ARK2C: variants seen among roughly 807,000 people sequenced by gnomAD.
ARK2C encodes the protein E3 ubiquitin-protein ligase ARK2C.
chr18:46,419,286 T>C, the ARK2C span, among the ~76,000 whole-genome samples: 1 of 152,120 alleles, frequency 6.6e-6, no homozygotes, highest in South Asian at 2.1e-4. Context: ...AAGGAAATCA[T>C]TGAGCCATCC....
the ARK2C span, among the ~76,000 whole-genome samples, chr18:46,394,497 A>G: frequency 2.0e-5 from 3 of 152,092 alleles, no homozygotes; most frequent in Non-Finnish European, 2.9e-5. Flanking sequence ...ACGAGTCTCC[A>G]TCCTCCACCT....
At chr18:46,364,960 C>G in the ARK2C span, among the ~76,000 whole-genome samples, 1 of 152,268 alleles carries the variant, frequency 6.6e-6, no homozygotes, top group South Asian at 2.1e-4. Context: ...CCAGCTGGGT[C>G]TCTCCTACAC....
At chr18:46,338,712 T>A in the ARK2C span, among the ~76,000 whole-genome samples, 1 of 152,208 alleles carries the variant, frequency 6.6e-6, no homozygotes, top group Non-Finnish European at 1.5e-5. Context: ...TTACACCTAT[T>A]CAATTTCAGC....
chr18:46,388,292 G>C, the ARK2C span, among the ~76,000 whole-genome samples: 1 of 152,116 alleles, frequency 6.6e-6, no homozygotes, highest in Non-Finnish European at 1.5e-5. Context: ...GACTTGGAAA[G>C]GTTGCAAACC....
the ARK2C span, among the ~76,000 whole-genome samples, chr18:46,430,771 G>T: frequency 0.015 from 2,291 of 152,082 alleles, 29 homozygotes; most frequent in Middle Eastern, 0.037. Flanking sequence ...TTTTCTCATT[G>T]ATCCTTCTTC....
chr18:46,373,640 C>T, the ARK2C span, among the ~76,000 whole-genome samples: 1 of 152,230 alleles, frequency 6.6e-6, no homozygotes, highest in African/African-American at 2.4e-5. Context: ...GCCACACTGG[C>T]TCCTCGGGCT....
chr18:46,379,980 A>C, the ARK2C span, among the ~76,000 whole-genome samples: 1 of 152,208 alleles, frequency 6.6e-6, no homozygotes, highest in African/African-American at 2.4e-5. Context: ...GTCAGAGAAG[A>C]GATGAGGCTC....
chr18:46,446,852 A>G, the ARK2C span, among the ~76,000 whole-genome samples: 1 of 151,962 alleles, frequency 6.6e-6, no homozygotes, highest in Non-Finnish European at 1.5e-5. Context: ...ACATTGTCCT[A>G]ACTCTGGCCA....
At chr18:46,380,625 T>C in the ARK2C span, among the ~76,000 whole-genome samples, 2 of 152,136 alleles carry the variant, frequency 1.3e-5, no homozygotes, top group East Asian at 3.9e-4. Context: ...GCTGGGAGGC[T>C]GGAGAATCTC....
chr18:46,460,254 G>A, the ARK2C span: 1 of 152,616 alleles, frequency 6.6e-6, no homozygotes, highest in Non-Finnish European at 1.5e-5. Context: ...CCCGCCTGTA[G>A]GCGGGACAAA....
chr18:46,395,703 C>A, the ARK2C span, among the ~76,000 whole-genome samples: 1 of 152,172 alleles, frequency 6.6e-6, no homozygotes, highest in Non-Finnish European at 1.5e-5. Flanking sequence ...AGGATCTCAG[C>A]TGGTGTTTAC....
the ARK2C span, among the ~76,000 whole-genome samples, chr18:46,447,211 C>A: frequency 6.6e-6 from 1 of 152,092 alleles, no homozygotes; most frequent in South Asian, 2.1e-4. Flanking sequence ...TTTATCTGAA[C>A]CTTGTCTTTC....
chr18:46,455,728 C>G, the ARK2C span, among the ~76,000 whole-genome samples: 2 of 152,034 alleles, frequency 1.3e-5, no homozygotes, highest in East Asian at 3.9e-4. Context: ...CCCAGCTACT[C>G]GGAGGCTGAG....
At chr18:46,353,702 T>C in the ARK2C span, among the ~76,000 whole-genome samples, 1 of 152,180 alleles carries the variant, frequency 6.6e-6, no homozygotes, top group Non-Finnish European at 1.5e-5. Flanking sequence ...TCTGGCTCCT[T>C]CCCACAGCGT....
the ARK2C span, among the ~76,000 whole-genome samples, chr18:46,394,496 C>G: frequency 3.9e-5 from 6 of 152,190 alleles, no homozygotes; most frequent in Non-Finnish European, 5.9e-5. Context: ...CACGAGTCTC[C>G]ATCCTCCACC....
At chr18:46,375,449 G>A in the ARK2C span, among the ~76,000 whole-genome samples, 1 of 151,916 alleles carries the variant, frequency 6.6e-6, no homozygotes, top group Non-Finnish European at 1.5e-5. Context: ...AGCTACTCAG[G>A]AGGCTGAGGC....
chr18:46,433,864 G>A, the ARK2C span, among the ~76,000 whole-genome samples: 2 of 152,210 alleles, frequency 1.3e-5, no homozygotes, highest in Non-Finnish European at 2.9e-5. Flanking sequence ...CATGGTGCGG[G>A]AGGAAATTTG....
At chr18:46,455,181 AC>A in the ARK2C span, among the ~76,000 whole-genome samples, 2 of 152,248 alleles carry the variant, frequency 1.3e-5, no homozygotes, top group African/African-American at 4.8e-5. Flanking sequence ...ATAGTTTATA[AC>A]AATGGCTACA....
At chr18:46,367,182 A>G in the ARK2C span, among the ~76,000 whole-genome samples, 2 of 152,142 alleles carry the variant, frequency 1.3e-5, no homozygotes, top group Non-Finnish European at 2.9e-5. Flanking sequence ...GTTTTCCAAG[A>G]GCCTTATGCA....
Sources: gnomAD v4.1 joint callset for allele counts (sites outside exome capture counted in the v4.1 genomes callset) on GRCh38, gnomAD v4.1.1 for gene constraint, MANE v1.5 for transcripts, NCBI Gene and HGNC (gene_info 2026-07-23, HGNC 2026-07-21) for gene names.